The following SEPTIN7 variants were observed in gnomAD, a reference collection of about 807,000 sequenced individuals.
SEPTIN7 encodes septin 7.
A neutral mutation model predicts 63.3 loss-of-function variants in SEPTIN7; 10 were observed. The ratio of observed to expected loss-of-function variants is 0.16; its 90% confidence interval spans 0.10 to 0.27. SEPTIN7 has a LOEUF of 0.27. Among genes scored for constraint, SEPTIN7 ranks in the 10% least tolerant of loss-of-function variants. The pLI is 1.00. For synonymous variants in SEPTIN7, 131 were observed against 165.3 expected (o/e 0.79, Z 1.59); for missense variants, 310 against 521.0 (o/e 0.59, Z 3.94).
intron 1 of SEPTIN7, among the ~76,000 whole-genome samples, chr7:35,820,355 A>T (rs773767105): frequency 4.6e-5 from 7 of 152,028 alleles, no homozygotes; most frequent in Non-Finnish European, 1.0e-4. Flanking sequence ...CTTCCTTCCT[A>T]AACCCACCCC....
intron 1 of SEPTIN7, among the ~76,000 whole-genome samples, chr7:35,812,656 A>G (rs530288126): frequency 9.2e-5 from 14 of 152,262 alleles, no homozygotes; most frequent in Admixed American, 3.3e-4. Context: ...TCATTTAACA[A>G]TTAGAATCTA....
chr7:35,883,452 C>G (rs1787023630), intron 8 of SEPTIN7, among the ~76,000 whole-genome samples: 2 of 152,122 alleles, frequency 1.3e-5, no homozygotes, highest in South Asian at 4.2e-4. Flanking sequence ...TTTGAATTTC[C>G]AAAGTTAGAG....
chr7:35,847,173 C>T, intron 3 of SEPTIN7: 1 of 159,086 alleles, frequency 6.3e-6, no homozygotes, highest in Non-Finnish European at 1.4e-5. Context: ...CTTGTGCACA[C>T]AGTCGTGCAG....
chr7:35,859,239 C>A (rs1290019793), intron 3 of SEPTIN7, among the ~76,000 whole-genome samples: 2 of 151,670 alleles, frequency 1.3e-5, no homozygotes, highest in African/African-American at 4.8e-5. Context: ...TTCTAATTTC[C>A]CTTGTGATTT....
Position 35,905,718 on chromosome 7 carries a change from T to G in SEPTIN7, c.*1425T>G, listed in dbSNP as rs1406603816. 2 of 152,156 alleles carry G rather than the reference T, an allele frequency of 1.3e-5. No individual in the cohort carries two copies. The highest frequency in any genetic ancestry group is 2.4e-5 in the African/African-American group (1 of 41,424). The allele number at this position is 152,156 out of a possible 1,614,324, so 9.4% of individuals were successfully genotyped here. ...TATTTTTTGCAGCCTCCCAAAGTTC[T>G]GGGATTACAGGCATGAGCCGTCATG... On this transcript the variant is annotated 3_prime_UTR_variant, in exon 14 of 14. Coordinates refer to ENST00000350320, the MANE Select transcript of SEPTIN7 (RefSeq NM_001788.6).
downstream of SEPTIN7, among the ~76,000 whole-genome samples, chr7:35,908,717 C>A (rs1479869358): frequency 9.2e-5 from 14 of 152,158 alleles, no homozygotes; most frequent in Admixed American, 9.2e-4. Flanking sequence ...GTGGGCCACC[C>A]CGCTTAGCTC....
chr7:35,845,727 C>T (rs2116011297), intron 3 of SEPTIN7, among the ~76,000 whole-genome samples: 1 of 152,276 alleles, frequency 6.6e-6, no homozygotes, highest in Non-Finnish European at 1.5e-5. Context: ...AATATTAATG[C>T]TACCCCTTGC....
chr7:35,875,236 G>C (rs1474124035), intron 6 of SEPTIN7, among the ~76,000 whole-genome samples: 3 of 152,082 alleles, frequency 2.0e-5, no homozygotes, highest in Non-Finnish European at 4.4e-5. Flanking sequence ...TTGTCACAAG[G>C]GGTAAGATGT....
the SEPTIN7 span, among the ~76,000 whole-genome samples, chr7:35,915,321 T>C: frequency 2.6e-5 from 4 of 151,936 alleles, no homozygotes; most frequent in Admixed American, 6.6e-5. Flanking sequence ...ACACACACAC[T>C]TCTGGAATTG....
In SEPTIN7 at chr7:35,801,250, G is replaced by C. The variant is rs768520445; in HGVS notation, c.41G>C (p.Ser14Thr). The C allele has an allele frequency of 6.5e-7, 1 of 1,532,242 alleles. No homozygotes were observed. Among genetic ancestry groups the C allele is most frequent in the South Asian group, 1.2e-5 (1 of 81,666 alleles). The allele number at this position is 1,532,242 out of a possible 1,614,324, so 94.9% of individuals were successfully genotyped here. A position where few individuals can be genotyped will look rare whatever the true frequency, so the allele number is the denominator to read the frequency against. ...AGATCCGCTGCTGCTGAGGAGAGGAGCGTCAACAGCAGCACCATGGGTGAG... is the reference window on the plus strand; with the variant it reads ...AGATCCGCTGCTGCTGAGGAGAGGACCGTCAACAGCAGCACCATGGGTGAG... ...SARSAAAEER[S>T]VNSSTMVAQQ... Residue 14 changes from serine to threonine, a missense_variant, in exon 1 of 14, where the codon AGC (serine) becomes ACC (threonine). Around this residue, in one of 2 missense-constraint regions of SEPTIN7, gnomAD observed 55 missense variants for 30.5 expected, o/e 1.80. Transcript: ENST00000350320.
At position 35,898,278 on chromosome 7, in the gene SEPTIN7, A is replaced by G. The variant is rs1486097741; in HGVS notation, c.1029A>G (p.Arg343=). ...CTCTGGCACAAATGGAAGAAGAAAG[A>G]AGGGAGCATGTAGCTAAAATGAAGA... ...KSPLAQMEEE[R]REHVAKMKKM... The change falls in exon 12 of 14, where the codon AGA becomes AGG. Residue 343 remains arginine (R), a synonymous_variant. Transcript: ENST00000350320. The G allele has an allele frequency of 6.4e-7, 1 of 1,551,512 alleles. No homozygotes were observed.
In SEPTIN7 at chr7:35,848,999, A is replaced by G. The variant is rs905592450; in HGVS notation, c.170-14553A>G. 3.9e-5 allele frequency among the ~76,000 whole-genome samples: 6 copies of G among 152,248 alleles called. No homozygotes were observed. The East Asian group carries it at 5.8e-4, about 15-fold the overall frequency. On this transcript the variant is annotated intron_variant, in intron 3 of 13. Coordinates refer to ENST00000350320, the MANE Select transcript of SEPTIN7 (RefSeq NM_001788.6). ...CTGGTTGGAATGTTTGCTACTAGCT[A>G]TCCAGCAGAATTGTTAGTTCTTAGT... is the stretch of plus-strand genomic sequence containing the variant.
At chr7:35,838,733 T>C (rs952710746) in intron 3 of SEPTIN7, 6 of 151,972 alleles carry the variant, frequency 3.9e-5, no homozygotes, top group African/African-American at 1.4e-4. Flanking sequence ...TTCAAGGTTA[T>C]TAGAAGTTTT....
chr7:35,883,286 T>A (rs973495403), intron 8 of SEPTIN7, among the ~76,000 whole-genome samples: 8 of 152,148 alleles, frequency 5.3e-5, no homozygotes, highest in Admixed American at 6.6e-5. Flanking sequence ...GTATACTGAA[T>A]AATGGCATTA....
chr7:35,808,798 G>T (rs1788518493), intron 1 of SEPTIN7, among the ~76,000 whole-genome samples: 2 of 152,204 alleles, frequency 1.3e-5, no homozygotes, highest in South Asian at 4.1e-4. Context: ...CATATGGATA[G>T]ATCATGATAT....
chr7:35,878,564 G>A (rs565533159), intron 6 of SEPTIN7, among the ~76,000 whole-genome samples: 45 of 152,292 alleles, frequency 3.0e-4, no homozygotes, highest in South Asian at 6.2e-4. Flanking sequence ...TCTGACTTCA[G>A]TATGGATGAT....
Position 35,863,596 on chromosome 7 carries a change from C to G in SEPTIN7, c.214C>G (p.Leu72Val). The change falls in exon 4 of 14, where the codon CTC (leucine) becomes GTC (valine). Residue 72 changes from leucine to valine, a missense_variant. Physicochemically the swap from Leu to Val is conservative, Grantham distance 32 (BLOSUM62 1). Transcript: ENST00000350320. ...GKSTLINSLF[L>V]TDLYSPEYPG... is the part of the protein sequence containing the mutation. ...GTCGACATTAATCAACTCATTATTC[C>G]TCACAGATTTGTATTCTCCAGAGTA... The G allele has an allele frequency of 1.3e-6, 2 of 1,591,164 alleles. No individual in the cohort carries two copies. The highest frequency in any genetic ancestry group is 1.7e-6 in the Non-Finnish European group (2 of 1,175,750).
At chr7:35,884,771 T>C (rs1787125458) in intron 9 of SEPTIN7, among the ~76,000 whole-genome samples, 1 of 152,198 alleles carries the variant, frequency 6.6e-6, no homozygotes. Context: ...AGATCCTCTT[T>C]ACTAGTTTTG....
intron 3 of SEPTIN7, 45 bp from the exon 4 acceptor site, chr7:35,863,507 G>T (rs565469687): frequency 2.5e-6 from 3 of 1,178,056 alleles, no homozygotes; most frequent in South Asian, 1.3e-5. Context: ...TTAAGATTGC[G>T]TAAAGTGGGT....
Sources: gnomAD v4.1 joint callset for allele counts (sites outside exome capture counted in the v4.1 genomes callset) on GRCh38, gnomAD v4.1.1 for gene constraint, gnomAD v4.1.1 regional missense constraint, MANE v1.5 for transcripts, NCBI Gene and HGNC (gene_info 2026-07-23, HGNC 2026-07-21) for gene names.